Variants in ARIH1 observed in about 807,000 individuals in gnomAD.
ARIH1 encodes ariadne RBR E3 ubiquitin protein ligase 1, also known as E3 ubiquitin-protein ligase ARIH1.
Under a neutral mutation model 85.0 loss-of-function variants are expected in ARIH1, and 8 were observed. The ratio of observed to expected loss-of-function variants is 0.09; its 90% CI spans 0.06 to 0.17. The LOEUF is 0.17. Ranked by LOEUF, ARIH1 falls within the 10% of genes least tolerant of loss-of-function variation. ARIH1 has a pLI of 1.00. For synonymous variants in ARIH1, 238 were observed against 253.6 expected, an observed-to-expected ratio of 0.94 and a Z score of 0.59; for missense variants, 311 against 718.1, an observed-to-expected ratio of 0.43 and a Z score of 6.48.
chr15:72,562,138 A>C (rs2064199948), intron 6 of ARIH1, among the ~76,000 whole-genome samples: 1 of 152,132 alleles, frequency 6.6e-6, no homozygotes, highest in Non-Finnish European at 1.5e-5. Flanking sequence ...TGTCATGTTT[A>C]ATCATGTTTG....
At position 72,594,806 on chromosome 15, in the gene ARIH1, TTCTTC is replaced by T. The variant is rs1218331918; in HGVS notation, c.*11516_*11520del. 49 of 133,124 alleles carry T rather than the reference TTCTTC, an allele frequency of 3.7e-4. 2 individuals are homozygous for T. Among genetic ancestry groups the T allele is most frequent in the African/African-American group, 1.3e-3 (46 of 35,124 alleles). The allele number at this position is 133,124 out of a possible 1,614,324, so 8.2% of individuals were successfully genotyped here. On this transcript the variant is annotated 3_prime_UTR_variant, in exon 14 of 14. Transcript: ENST00000379887. ...ACTTCTTTTTCTGATTTTATGCCTTTTCTTCTTTTTTTTTTTTTTTTTTTTTTTTT... is the reference window on the plus strand; with the variant it reads ...ACTTCTTTTTCTGATTTTATGCCTTTTTTTTTTTTTTTTTTTTTTTTTTTT...
chr15:72,506,882 A>G (rs2140404655), intron 1 of ARIH1, among the ~76,000 whole-genome samples: 1 of 151,944 alleles, frequency 6.6e-6, no homozygotes, highest in African/African-American at 2.4e-5. Flanking sequence ...GCTTTATCCT[A>G]AAATAAGAAA....
Position 72,474,748 on chromosome 15 carries a change from G to T in ARIH1, c.109G>T (p.Asp37Tyr). 6.4e-7 allele frequency: 1 copy of T among 1,558,436 alleles called. No individual in the cohort carries two copies. The highest frequency in any genetic ancestry group is 8.7e-7 in the Non-Finnish European group (1 of 1,153,406). Residue 37 changes from aspartate to tyrosine, a missense_variant, in exon 1 of 14, where the codon GAT becomes TAT. Around this residue, in one of 3 missense-constraint regions of ARIH1, gnomAD observed 157 missense variants for 185.1 expected, o/e 0.85. Transcript: ENST00000379887. ...EEDEDDDEPD[D>Y]DTLDLGEVEL... The stretch of plus-strand genomic sequence containing the variant: ...GGACGAAGACGACGACGAGCCGGAC[G>T]ATGATACCCTGGATCTGGGCGAGGT...
intron 1 of ARIH1, among the ~76,000 whole-genome samples, chr15:72,479,033 G>T (rs1439875132): frequency 2.6e-5 from 4 of 151,992 alleles, no homozygotes; most frequent in Non-Finnish European, 5.9e-5. Flanking sequence ...GAGACACAGG[G>T]TCTTGCTCTG....
chr15:72,526,950 A>G (rs2140415543), intron 2 of ARIH1, among the ~76,000 whole-genome samples: 1 of 146,782 alleles, frequency 6.8e-6, no homozygotes. Flanking sequence ...ATTTCTTTCC[A>G]TGCCTCTCCA....
intron 7 of ARIH1, among the ~76,000 whole-genome samples, chr15:72,563,841 C>T (rs1366040983): frequency 6.6e-6 from 1 of 152,114 alleles, no homozygotes; most frequent in Non-Finnish European, 1.5e-5. Flanking sequence ...AAATTTTAAC[C>T]TTACTTATGC....
chr15:72,571,420 C>T (rs1043907652), intron 10 of ARIH1, among the ~76,000 whole-genome samples: 5 of 152,178 alleles, frequency 3.3e-5, no homozygotes, highest in Non-Finnish European at 2.9e-5. Flanking sequence ...CATGAAATAG[C>T]TGCTCCCATA....
intron 1 of ARIH1, among the ~76,000 whole-genome samples, chr15:72,495,800 A>G (rs1378122200): frequency 1.3e-5 from 2 of 152,188 alleles, no homozygotes; most frequent in South Asian, 2.1e-4. Context: ...ATGTTGAGAC[A>G]TTGTTTTAAG....
intron 2 of ARIH1, among the ~76,000 whole-genome samples, chr15:72,532,290 A>G (rs1211991877): frequency 6.6e-6 from 1 of 152,086 alleles, no homozygotes. Context: ...ATGGTTTAAA[A>G]AAAAACTCTT....
At position 72,552,829 on chromosome 15, in the gene ARIH1, C is replaced by T. The variant is rs1463332165; in HGVS notation, c.589-2442C>T. ...TCGCTTTGTCACCCAAGCTGGAGTG[C>T]GGTGGTGCGATCTTGGCTTACTGCA... is the stretch of plus-strand genomic sequence containing the variant. On this transcript the variant is annotated intron_variant, in intron 3 of 13. Coordinates refer to ENST00000379887, the MANE Select transcript of ARIH1 (RefSeq NM_005744.5). 4.7e-5 allele frequency among the ~76,000 whole-genome samples: 7 copies of T among 149,816 alleles called. No individual in the cohort carries two copies. The East Asian group carries it at 5.9e-4, about 13-fold the overall frequency.
rs1425910764 is a variant in ARIH1 at position 72,524,367 on chromosome 15, C to T, written c.443+6233C>T. On this transcript the variant is annotated intron_variant, in intron 2 of 13. Coordinates refer to ENST00000379887, the MANE Select transcript of ARIH1 (RefSeq NM_005744.5). ...TTCAAGCGATTACAGGCGTGCGCCA[C>T]CATGCCTAGCTAATGTTTGTATTTT... Among the ~76,000 whole-genome samples, 3 of 151,848 alleles carry T rather than the reference C, an allele frequency of 2.0e-5. No homozygotes were observed. The East Asian group carries it at 5.8e-4, about 29-fold the overall frequency.
rs1567352122 is a variant in ARIH1, at chr15:72,544,955, C to T, written c.579C>T (p.Tyr193=). The change falls in exon 3 of 14, where the codon TAC becomes TAT. Residue 193 remains tyrosine (Y), a synonymous_variant. Coordinates refer to ENST00000379887, the MANE Select transcript of ARIH1 (RefSeq NM_005744.5). ...CTTGTCAGATCTGCTACTTGAACTA[C>T]CCTAACTCGGTGAGTATCTGGTAGT... is the stretch of plus-strand genomic sequence containing the variant. ...DMPCQICYLN[Y]PNSYFTGLEC... 1.9e-6 allele frequency: 3 copies of T among 1,590,418 alleles called. No homozygotes were observed. Among genetic ancestry groups the T allele is most frequent in the Non-Finnish European group, 2.6e-6 (3 of 1,163,548 alleles).
At chr15:72,531,506 G>A (rs2064056999) in intron 2 of ARIH1, among the ~76,000 whole-genome samples, 1 of 152,128 alleles carries the variant, frequency 6.6e-6, no homozygotes, top group African/African-American at 2.4e-5. Flanking sequence ...GACCTCAGGT[G>A]ATGTGCCTGC....
At chr15:72,549,412 T>C (rs1456176163) in intron 3 of ARIH1, among the ~76,000 whole-genome samples, 1 of 152,100 alleles carries the variant, frequency 6.6e-6, no homozygotes, top group Admixed American at 6.6e-5. Context: ...ATGAAGTAAA[T>C]AATTTGTATT....
rs935943800 is a variant in ARIH1, at chr15:72,586,179, C to T, written c.*2887C>T. 2 of 152,110 alleles carry T rather than the reference C, an allele frequency of 1.3e-5. No individual in the cohort carries two copies. The highest frequency in any genetic ancestry group is 1.9e-4 in the East Asian group (1 of 5,190). The allele number at this position is 152,110 out of a possible 1,614,324, so 9.4% of individuals were successfully genotyped here. On this transcript the variant is annotated 3_prime_UTR_variant, in exon 14 of 14. Coordinates refer to ENST00000379887, the MANE Select transcript of ARIH1 (RefSeq NM_005744.5). ...TGTTTAAATAAATATGTTAGATACA[C>T]GTGTATACATACACCCATATACAAC...
At chr15:72,508,940 C>T (rs567114202) in intron 1 of ARIH1, among the ~76,000 whole-genome samples, 15 of 151,634 alleles carry the variant, frequency 9.9e-5, no homozygotes, top group African/African-American at 2.4e-4. Flanking sequence ...GTGATCTACC[C>T]GCCTTAGCTT....
chr15:72,542,927 C>CT lies in ARIH1; in HGVS notation c.444-1878dup, dbSNP rs771255824. 2.2e-3 allele frequency among the ~76,000 whole-genome samples: 303 copies of CT among 139,330 alleles called. 1 individual carries two copies. The highest frequency in any genetic ancestry group is 0.011 in the East Asian group (51 of 4,788). 91.4% of individuals were successfully genotyped at this position (139,330 alleles called of 152,430 possible). Reference sequence around the variant, plus strand: ...GGTAAAACTTGGTATTTTATATTATCTTTTTTTTTTTTTTTAAATTTGAGA... The same window carrying CT: ...GGTAAAACTTGGTATTTTATATTATCTTTTTTTTTTTTTTTTAAATTTGAGA... On this transcript the variant is annotated intron_variant, in intron 2 of 13. Transcript: ENST00000379887.
chr15:72,529,819 C>T (rs192204373), intron 2 of ARIH1, among the ~76,000 whole-genome samples: 9 of 152,176 alleles, frequency 5.9e-5, no homozygotes, highest in African/African-American at 2.2e-4. Context: ...GATTGAATGT[C>T]TGGAGTATGC....
rs1017718269 is a variant in ARIH1, at chr15:72,582,663, G to A, written c.1589+476G>A. 1.3e-5 allele frequency among the ~76,000 whole-genome samples: 2 copies of A among 151,562 alleles called. No homozygotes were observed. Among genetic ancestry groups the A allele is most frequent in the African/African-American group, 2.4e-5 (1 of 41,276 alleles). On this transcript the variant is annotated intron_variant, in intron 13 of 13. Coordinates refer to ENST00000379887, the MANE Select transcript of ARIH1 (RefSeq NM_005744.5). The surrounding 1 kb of genome is among the most constrained non-coding windows in gnomAD (Gnocchi z 4.6). ...TTTTTCAAGATGTGCCGCCTCTTAAGCTAGAGATGCAAAATGTTTTATTTC... is the reference window on the plus strand; with the variant it reads ...TTTTTCAAGATGTGCCGCCTCTTAAACTAGAGATGCAAAATGTTTTATTTC...
Sources: gnomAD v4.1 joint callset for allele counts (sites outside exome capture counted in the v4.1 genomes callset) on GRCh38, gnomAD v4.1.1 for gene constraint, gnomAD v4.1.1 regional missense constraint, Gnocchi (gnomAD v3.1) non-coding constraint, MANE v1.5 for transcripts, NCBI Gene and HGNC (gene_info 2026-07-23, HGNC 2026-07-21) for gene names.